RNF130: variants seen among roughly 807,000 people sequenced by gnomAD.
The protein encoded by RNF130 is E3 ubiquitin-protein ligase RNF130.
A neutral mutation model predicts 44.6 loss-of-function variants in RNF130; 21 were observed. The observed-to-expected ratio is 0.47, with a 90% CI of 0.33 to 0.68. The LOEUF (loss-of-function observed/expected upper bound fraction) is 0.68. Ranked by LOEUF, RNF130 falls within the 30% of genes least tolerant of loss-of-function variation. The pLI is 0.02. For missense variants in RNF130, 479 were observed against 560.6 expected, an observed-to-expected ratio of 0.85 and a Z score of 1.47; for synonymous variants, 214 against 210.4, an observed-to-expected ratio of 1.02 and a Z score of -0.15.
intron 7 of RNF130, among the ~76,000 whole-genome samples, chr5:179,922,667 G>A (rs527941697): frequency 6.6e-6 from 1 of 152,098 alleles, no homozygotes; most frequent in African/African-American, 2.4e-5. Flanking sequence ...GCCGGGCACA[G>A]TGGCTCATGC....
At chr5:179,972,922 T>C (rs1762618182) in intron 5 of RNF130, among the ~76,000 whole-genome samples, 1 of 152,080 alleles carries the variant, frequency 6.6e-6, no homozygotes, top group Admixed American at 6.6e-5. Context: ...CCCCTCTGTT[T>C]TACTAAACAA....
chr5:179,971,498 C>A (rs1372634781), intron 5 of RNF130, among the ~76,000 whole-genome samples: 1 of 152,170 alleles, frequency 6.6e-6, no homozygotes, highest in East Asian at 1.9e-4. Context: ...GCCTCACAAG[C>A]AGCTGGGACT....
intron 2 of RNF130, among the ~76,000 whole-genome samples, chr5:180,039,286 C>G (rs1041168258): frequency 6.6e-6 from 1 of 151,828 alleles, no homozygotes; most frequent in Non-Finnish European, 1.5e-5. Flanking sequence ...GTCACCTAGG[C>G]TGGAGTGCAG....
intron 3 of RNF130, among the ~76,000 whole-genome samples, chr5:179,991,276 T>C (rs1033753917): frequency 2.0e-5 from 3 of 152,334 alleles, no homozygotes; most frequent in African/African-American, 4.8e-5. Flanking sequence ...GATGACTATA[T>C]GTCATGGTGA....
chr5:180,025,205 A>G (rs1763958658), intron 2 of RNF130, among the ~76,000 whole-genome samples: 1 of 152,130 alleles, frequency 6.6e-6, no homozygotes, highest in Non-Finnish European at 1.5e-5. Flanking sequence ...TGAGATCCTA[A>G]CTCCAAGGTC....
chr5:179,980,999 G>A (rs998273631), intron 3 of RNF130, among the ~76,000 whole-genome samples: 3 of 152,140 alleles, frequency 2.0e-5, no homozygotes, highest in Non-Finnish European at 4.4e-5. Flanking sequence ...GGAGGGGTGG[G>A]GCGAGGCAGG....
chr5:179,945,025 C>T (rs1421556175), intron 7 of RNF130, among the ~76,000 whole-genome samples: 2 of 152,212 alleles, frequency 1.3e-5, no homozygotes, highest in East Asian at 1.9e-4. Flanking sequence ...CCTATAATCC[C>T]AGCCACTTTG....
chr5:180,045,986 G>C (rs936023578), intron 1 of RNF130, among the ~76,000 whole-genome samples: 38 of 152,216 alleles, frequency 2.5e-4, no homozygotes, highest in African/African-American at 8.9e-4. Context: ...GGATGGGACC[G>C]AGCCCCGTGG....
chr5:179,946,678 C>G (rs1024899697), intron 7 of RNF130, among the ~76,000 whole-genome samples: 1 of 151,880 alleles, frequency 6.6e-6, no homozygotes, highest in South Asian at 2.1e-4. Flanking sequence ...CTCAGCCTCC[C>G]GAGTAGCTGG....
Position 180,071,689 on chromosome 5 carries a change from C to A in RNF130, c.14G>T (p.Gly5Val). The change falls in exon 1 of 9, where the codon GGG becomes GTG. Residue 5 changes from glycine (G) to valine (V), a missense_variant. Gly to Val is a moderately radical substitution (Grantham distance 109). Coordinates refer to ENST00000521389, the MANE Select transcript of RNF130 (RefSeq NM_018434.6). The part of the protein sequence containing the change: MSCA[G>V]RAGPARLAAL... Reference sequence around the variant, plus strand: ...GGCGAGCCGGGCAGGGCCCGCCCGCCCCGCGCAGCTCATCGTCCCTCCGGC... The same window carrying A: ...GGCGAGCCGGGCAGGGCCCGCCCGCACCGCGCAGCTCATCGTCCCTCCGGC... The A allele has an allele frequency of 7.2e-7, 1 of 1,384,278 alleles. No individual in the cohort carries two copies. The allele number at this position is 1,384,278 out of a possible 1,614,324, so 85.7% of individuals were successfully genotyped here. A position where few individuals can be genotyped will look rare whatever the true frequency, so the allele number is the denominator to read the frequency against.
intron 1 of RNF130, among the ~76,000 whole-genome samples, chr5:180,069,318 T>G (rs1373888753): frequency 6.6e-6 from 1 of 152,140 alleles, no homozygotes; most frequent in Non-Finnish European, 1.5e-5. Context: ...CACACAGGAT[T>G]TCAATTAATA....
chr5:180,007,700 G>T (rs1263377404), intron 3 of RNF130, among the ~76,000 whole-genome samples: 1 of 152,146 alleles, frequency 6.6e-6, no homozygotes, highest in Non-Finnish European at 1.5e-5. Flanking sequence ...GCAGTCAGCC[G>T]CAAAATAAAT....
At chr5:179,963,352 C>G in intron 8 of RNF130, 119 bp downstream of exon 8, 1 of 704,492 alleles carries the variant, frequency 1.4e-6, no homozygotes, top group South Asian at 1.6e-5. Context: ...AGATACGATC[C>G]CATCAGGATC....
chr5:179,914,194 A>G (rs1761507866), exon 8 of RNF130: 1 of 152,264 alleles, frequency 6.6e-6, no homozygotes, highest in East Asian at 1.9e-4. Flanking sequence ...CGCCCCTCAT[A>G]TGTAACAACT....
chr5:179,922,045 A>T (rs1761640205), intron 7 of RNF130, among the ~76,000 whole-genome samples: 1 of 151,494 alleles, frequency 6.6e-6, no homozygotes, highest in Non-Finnish European at 1.5e-5. Context: ...AGGAAAAAGA[A>T]AAAAAAAGAT....
intron 1 of RNF130, among the ~76,000 whole-genome samples, chr5:180,045,825 C>T (rs1764551139): frequency 6.6e-6 from 1 of 152,252 alleles, no homozygotes. Flanking sequence ...CTTTACAAAC[C>T]TTGAGCTAGA....
intron 1 of RNF130, among the ~76,000 whole-genome samples, chr5:180,046,300 G>A (rs1426218942): frequency 6.6e-6 from 1 of 152,144 alleles, no homozygotes; most frequent in Non-Finnish European, 1.5e-5. Flanking sequence ...GTGCAGTGGT[G>A]GGCTGAAGGG....
At chr5:179,941,640 T>C (rs1028490371) in intron 7 of RNF130, among the ~76,000 whole-genome samples, 4 of 152,250 alleles carry the variant, frequency 2.6e-5, no homozygotes, top group African/African-American at 9.6e-5. Flanking sequence ...TGTTGAATAC[T>C]GGATTCATAT....
rs1184246364 is a variant in RNF130 at position 180,013,205 on chromosome 5, A to T, written c.549T>A (p.Thr183=). The change falls in exon 3 of 9, where the codon ACT becomes ACA. Residue 183 remains threonine, a synonymous_variant. Transcript: ENST00000521389. Reference sequence around the variant, plus strand: ...GGCTGAAGTTCTTCGGTGGCATTCGAGTTCCAACAGCTATTGTCATTTGTA... The same window carrying T: ...GGCTGAAGTTCTTCGGTGGCATTCGTGTTCCAACAGCTATTGTCATTTGTA... ...ISVQMTIAVG[T]RMPPKNFSRG... The T allele has an allele frequency of 6.2e-7, 1 of 1,614,230 alleles. No homozygotes were observed. The highest frequency in any genetic ancestry group is 8.5e-7 in the Non-Finnish European group (1 of 1,180,040).
Sources: allele counts gnomAD v4.1 joint callset (sites outside exome capture counted in the v4.1 genomes callset), GRCh38; gene constraint gnomAD v4.1.1; transcripts MANE v1.5; gene names NCBI Gene and HGNC (gene_info 2026-07-23, HGNC 2026-07-21).